The following ZNRF3 variants were observed in gnomAD, a reference collection of about 807,000 sequenced individuals.
ZNRF3 encodes the protein zinc and ring finger 3, also known as E3 ubiquitin-protein ligase ZNRF3.
In ZNRF3, 23 loss-of-function variants were observed where a neutral mutation model predicts 72.5. That is an observed-to-expected ratio of 0.32 (90% CI 0.23 to 0.45). ZNRF3 has a LOEUF of 0.45. Ranked by LOEUF, ZNRF3 falls within the 20% of genes least tolerant of loss-of-function variation. ZNRF3 has a pLI of 1.00. For missense variants in ZNRF3, 1,169 were observed against 1,272.1 expected (o/e 0.92, Z 1.23); for synonymous variants, 610 against 545.3 (o/e 1.12, Z -1.65).
intron 1 of ZNRF3, among the ~76,000 whole-genome samples, chr22:28,978,216 G>A (rs1294041531): frequency 6.6e-6 from 1 of 152,220 alleles, no homozygotes; most frequent in African/African-American, 2.4e-5. Context: ...GGAATGTTGA[G>A]TTCCTCTTCT....
In ZNRF3 at chr22:28,968,758, A is replaced by G. The variant is rs376870542; in HGVS notation, c.301-18318A>G. 9.2e-5 allele frequency among the ~76,000 whole-genome samples: 14 copies of G among 152,292 alleles called. No homozygotes were observed. The East Asian group carries it at 2.5e-3, about 27-fold the overall frequency. ...ACTGCCCTATTTTCATTTAATCTCA[A>G]ATAAATTAACCCCCCAGTGTCGATT... On this transcript the variant is annotated intron_variant, in intron 1 of 8. Coordinates refer to ENST00000544604, the MANE Select transcript of ZNRF3 (RefSeq NM_001206998.2).
Position 29,053,769 on chromosome 22 carries a change from T to A in ZNRF3, c.*147T>A, listed in dbSNP as rs1480452273. On this transcript the variant is annotated 3_prime_UTR_variant, in exon 9 of 9. Transcript: ENST00000544604. ...GAGAGCCCTCCTTGTCAACCCAAAA[T>A]GTGAGCCCCCTGTGGCAAAACCACC... is the stretch of plus-strand genomic sequence containing the variant. The A allele has an allele frequency of 8.2e-6, 6 of 735,292 alleles. No individual in the cohort carries two copies. The highest frequency in any genetic ancestry group is 2.8e-5 in the East Asian group (1 of 36,148). 45.5% of individuals were successfully genotyped at this position (735,292 alleles called of 1,614,324 possible). A position where few individuals can be genotyped will look rare whatever the true frequency, so the allele number is the denominator to read the frequency against.
At chr22:29,040,339 C>G (rs2036939908) in intron 2 of ZNRF3, among the ~76,000 whole-genome samples, 1 of 152,086 alleles carries the variant, frequency 6.6e-6, no homozygotes, top group Admixed American at 6.6e-5. Context: ...GCCACCACAT[C>G]CAGCTGATTT....
In ZNRF3 at chr22:28,889,342, G is replaced by A. The variant is rs376941307; in HGVS notation, c.300+5276G>A. On this transcript the variant is annotated intron_variant, in intron 1 of 8. Coordinates refer to ENST00000544604, the MANE Select transcript of ZNRF3 (RefSeq NM_001206998.2). Reference sequence around the variant, plus strand: ...GCAGTTACAACTTTGCCTCTTCCAGGGTTCTGTGATGTGTCCCCTCTATAC... The same window carrying A: ...GCAGTTACAACTTTGCCTCTTCCAGAGTTCTGTGATGTGTCCCCTCTATAC... Among the ~76,000 whole-genome samples, 102 of 152,190 alleles carry A rather than the reference G, an allele frequency of 6.7e-4. 4 individuals are homozygous for A. In the South Asian group the frequency reaches 0.014, roughly 21 times the overall value.
At chr22:28,897,169 G>A (rs71327328) in intron 1 of ZNRF3, among the ~76,000 whole-genome samples, 2 of 152,044 alleles carry the variant, frequency 1.3e-5, no homozygotes, top group Non-Finnish European at 2.9e-5. Context: ...AAAATCTTTC[G>A]TGGCGTCCTG....
rs959948411 is a variant in ZNRF3, at chr22:29,030,315, G to A, written c.427-12180G>A. On this transcript the variant is annotated intron_variant, in intron 2 of 8. Coordinates refer to ENST00000544604, the MANE Select transcript of ZNRF3 (RefSeq NM_001206998.2). This position sits in a 1 kb window ranked among gnomAD's most constrained non-coding sequence, Gnocchi z 4.2. ...AAAGGGTACCAACCTGTGCAATGGCGCCGCGACCCGGCCGCGGACTCCAGC... is the reference window on the plus strand; with the variant it reads ...AAAGGGTACCAACCTGTGCAATGGCACCGCGACCCGGCCGCGGACTCCAGC... Among the ~76,000 whole-genome samples the A allele has an allele frequency of 3.3e-5, 5 of 152,148 alleles. No homozygotes were observed. In the South Asian group the frequency reaches 8.3e-4, roughly 25 times the overall value.
intron 1 of ZNRF3, among the ~76,000 whole-genome samples, chr22:28,906,518 G>A (rs1190391990): frequency 6.6e-6 from 1 of 152,194 alleles, no homozygotes; most frequent in Non-Finnish European, 1.5e-5. Context: ...CAACCTCTCT[G>A]AACCTCTGCT....
chr22:29,048,347 C>G lies in ZNRF3; in HGVS notation c.913-42C>G. The G allele has an allele frequency of 1.1e-5, 18 of 1,567,840 alleles. No homozygotes were observed. The highest frequency in any genetic ancestry group is 1.6e-5 in the Non-Finnish European group (18 of 1,140,182). ...TGGACTCTGCAGGAGGACACACCTGCGAGGCTGAAGGCAGACTTGTGTCCC... is the reference window on the plus strand; with the variant it reads ...TGGACTCTGCAGGAGGACACACCTGGGAGGCTGAAGGCAGACTTGTGTCCC... On this transcript the variant is annotated intron_variant, in intron 6 of 8. Coordinates refer to ENST00000544604, the MANE Select transcript of ZNRF3 (RefSeq NM_001206998.2). The surrounding 1 kb of genome is among the most constrained non-coding windows in gnomAD (Gnocchi z 4.9).
intron 1 of ZNRF3, among the ~76,000 whole-genome samples, chr22:28,974,315 T>A (rs2035630970): frequency 6.6e-6 from 1 of 152,166 alleles, no homozygotes; most frequent in Non-Finnish European, 1.5e-5. Flanking sequence ...ATTTGTTACT[T>A]TTAAACCGTG....
At chr22:29,008,861 A>G (rs182795103) in intron 2 of ZNRF3, among the ~76,000 whole-genome samples, 12 of 152,366 alleles carry the variant, frequency 7.9e-5, no homozygotes, top group Non-Finnish European at 1.6e-4. Context: ...TAATCTAGGT[A>G]GCCAATTACT....
chr22:28,917,356 A>G (rs1464194531), intron 1 of ZNRF3: 3 of 945,132 alleles, frequency 3.2e-6, no homozygotes, highest in African/African-American at 1.8e-5. Flanking sequence ...CTAACTGCCA[A>G]CTCCTCAGGA....
intron 1 of ZNRF3, among the ~76,000 whole-genome samples, chr22:28,977,249 C>T (rs771783259): frequency 3.3e-5 from 5 of 152,324 alleles, no homozygotes; most frequent in Non-Finnish European, 7.3e-5. Context: ...GAAACAGCAG[C>T]AACAGCCAGC....
In ZNRF3 at chr22:28,993,879, C is replaced by T. The variant is rs546314108; in HGVS notation, c.426+6678C>T. Among the ~76,000 whole-genome samples, 30 of 152,234 alleles carry T rather than the reference C, an allele frequency of 2.0e-4. No homozygotes were observed. In the South Asian group the frequency reaches 5.2e-3, roughly 26 times the overall value. On this transcript the variant is annotated intron_variant, in intron 2 of 8. Transcript: ENST00000544604. The stretch of plus-strand genomic sequence containing the variant: ...TAATTTTTTTGTAGAGACAGAGTCT[C>T]AATATATTACCCAGGCAACAGGCTC...
At chr22:28,978,412 C>T (rs1022861217) in intron 1 of ZNRF3, among the ~76,000 whole-genome samples, 3 of 152,180 alleles carry the variant, frequency 2.0e-5, no homozygotes, top group Non-Finnish European at 2.9e-5. Flanking sequence ...CCTGAGTCAT[C>T]CCCAGCCCAC....
chr22:29,047,012 A>G, intron 6 of ZNRF3, 129 bp downstream of exon 6: 1 of 931,796 alleles, frequency 1.1e-6, no homozygotes, highest in African/African-American at 1.7e-5. Flanking sequence ...CTCTTCTGAA[A>G]ATTCTGAGAC....
chr22:28,922,727 G>T (rs1041574768), intron 1 of ZNRF3, among the ~76,000 whole-genome samples: 1 of 152,186 alleles, frequency 6.6e-6, no homozygotes, highest in African/African-American at 2.4e-5. Context: ...ACACCTAGCA[G>T]TCCTGGCCCA....
chr22:28,992,085 C>T (rs556130965), intron 2 of ZNRF3, among the ~76,000 whole-genome samples: 2 of 152,050 alleles, frequency 1.3e-5, no homozygotes, highest in African/African-American at 4.8e-5. Context: ...CCAAAGAGTT[C>T]GAGCCTACAG....
chr22:29,050,402 G>C lies in ZNRF3; in HGVS notation c.2221G>C (p.Glu741Gln). Reference protein sequence around the residue: ...STLFLGPHLYEGSGPAGGEPQ... With the variant: ...STLFLGPHLYQGSGPAGGEPQ... ...CTTGTTCCTGGGGCCCCACCTCTAC[G>C]AGGGCTCTGGCCCGGCGGGTGGGGA... The change falls in exon 8 of 9, where the codon GAG becomes CAG. Residue 741 changes from glutamate (E) to glutamine (Q), a missense_variant. This residue lies in a region of ZNRF3 where 783 missense variants were observed against 731.4 expected (regional missense o/e 1.07). Coordinates refer to ENST00000544604, the MANE Select transcript of ZNRF3 (RefSeq NM_001206998.2). 1 of 1,606,100 alleles carries C rather than the reference G, an allele frequency of 6.2e-7. No homozygotes were observed. The highest frequency in any genetic ancestry group is 8.5e-7 in the Non-Finnish European group (1 of 1,175,376).
rs2179129 is a variant in ZNRF3, at chr22:29,054,935, A to G, written c.*1313A>G. ...CTCATCTCGTCTGCAGATGTCTACT[A>G]TCCTGTCTACCTAATGCACTATTAT... On this transcript the variant is annotated 3_prime_UTR_variant, in exon 9 of 9. Coordinates refer to ENST00000544604, the MANE Select transcript of ZNRF3 (RefSeq NM_001206998.2). The G allele has an allele frequency of 0.35, 53,192 of 152,748 alleles. 10,420 individuals are homozygous for G. The highest frequency in any genetic ancestry group is 0.48 in the South Asian group (2,335 of 4,816). 9.5% of individuals were successfully genotyped at this position (152,748 alleles called of 1,614,324 possible).
Sources: gnomAD v4.1 joint callset for allele counts (sites outside exome capture counted in the v4.1 genomes callset) on GRCh38, gnomAD v4.1.1 for gene constraint, gnomAD v4.1.1 regional missense constraint, Gnocchi (gnomAD v3.1) non-coding constraint, MANE v1.5 for transcripts, NCBI Gene and HGNC (gene_info 2026-07-23, HGNC 2026-07-21) for gene names.